ZBTB40: variants seen among roughly 807,000 people sequenced by gnomAD.
ZBTB40 encodes zinc finger and BTB domain-containing protein 40.
ZBTB40 carries 60 observed loss-of-function variants against 117.5 expected under a neutral mutation model. That is an observed-to-expected ratio of 0.51 (90% CI 0.41 to 0.63). The LOEUF is 0.63. Ranked by LOEUF, ZBTB40 falls within the 30% of genes least tolerant of loss-of-function variation. The probability of loss-of-function intolerance (pLI) is 0.00; values close to 1 mark genes in which losing one functional copy is unlikely to be tolerated. For missense variants in ZBTB40, 1,287 were observed against 1,498.5 expected, an observed-to-expected ratio of 0.86 and a Z score of 2.33; for synonymous variants, 525 against 577.1, an observed-to-expected ratio of 0.91 and a Z score of 1.29.
intron 9 of ZBTB40, 50 bp from the exon 10 acceptor site, chr1:22,511,129 A>G: frequency 1.3e-6 from 2 of 1,595,892 alleles, no homozygotes; most frequent in East Asian, 2.2e-5. Context: ...AACCATGGGG[A>G]AAATCTGCTG....
At chr1:22,494,477 T>A (rs1463616966) in intron 3 of ZBTB40, among the ~76,000 whole-genome samples, 2 of 152,222 alleles carry the variant, frequency 1.3e-5, no homozygotes, top group African/African-American at 4.8e-5. Flanking sequence ...TTCCATGGTG[T>A]CTGATTCTTA....
intron 1 of ZBTB40, among the ~76,000 whole-genome samples, chr1:22,484,692 G>C (rs1246543073): frequency 6.6e-6 from 1 of 152,158 alleles, no homozygotes; most frequent in Non-Finnish European, 1.5e-5. Context: ...AAGATCAGTG[G>C]TGAACTGGGA....
intron 11 of ZBTB40, 48 bp downstream of exon 11, chr1:22,512,182 A>G: frequency 1.9e-6 from 3 of 1,605,216 alleles, no homozygotes; most frequent in Non-Finnish European, 2.6e-6. Flanking sequence ...TGTGGGTTTT[A>G]TAGCTTGGAT....
upstream of ZBTB40, among the ~76,000 whole-genome samples, chr1:22,451,326 T>A (rs904453257): frequency 6.6e-6 from 1 of 152,216 alleles, no homozygotes; most frequent in African/African-American, 2.4e-5. Flanking sequence ...AACAAAATCC[T>A]AATCCTAGAG....
chr1:22,490,781 T>C lies in ZBTB40; in HGVS notation c.697+136T>C, dbSNP rs887211285. The C allele has an allele frequency of 7.3e-6, 7 of 963,222 alleles. No homozygotes were observed. In the Admixed American group the frequency reaches 1.5e-4, roughly 21 times the overall value. 59.7% of individuals were successfully genotyped at this position (963,222 alleles called of 1,614,324 possible). ...TCAGTGCAGTACCGTACTGGGCCAT[T>C]CTTTTAAAAGTGTCTGTGTTTTTGA... On this transcript the variant is annotated intron_variant, in intron 2 of 17. Transcript: ENST00000375647.
intron 1 of ZBTB40, among the ~76,000 whole-genome samples, chr1:22,457,754 G>A (rs193133067): frequency 1.3e-5 from 2 of 152,310 alleles, no homozygotes; most frequent in Non-Finnish European, 2.9e-5. Flanking sequence ...AAAGGTGAAC[G>A]GTAGGTGATT....
chr1:22,497,741 A>G (rs932472257), intron 3 of ZBTB40, among the ~76,000 whole-genome samples: 2 of 152,204 alleles, frequency 1.3e-5, no homozygotes, highest in Non-Finnish European at 2.9e-5. Context: ...TCTGGGAGGT[A>G]GAACTAGGTG....
chr1:22,466,111 GA>G (rs1472414080), intron 1 of ZBTB40, among the ~76,000 whole-genome samples: 2 of 152,152 alleles, frequency 1.3e-5, no homozygotes, highest in Non-Finnish European at 2.9e-5. Flanking sequence ...CATTTCATAT[GA>G]ATGGAATCAT....
chr1:22,526,025 G>A lies in ZBTB40; in HGVS notation c.3526-177G>A, dbSNP rs1213861290. Among the ~76,000 whole-genome samples, 3 of 152,140 alleles carry A rather than the reference G, an allele frequency of 2.0e-5. No individual in the cohort carries two copies. The East Asian group carries it at 5.8e-4, about 29-fold the overall frequency. ...GCACAGTTATTTAAATTGTTTGCTG[G>A]CCTTCTCTTTTGCATCGCCAGTGGG... is the stretch of plus-strand genomic sequence containing the variant. On this transcript the variant is annotated intron_variant, in intron 17 of 17. Transcript: ENST00000375647.
chr1:22,467,959 C>T (rs1641297881), intron 1 of ZBTB40, among the ~76,000 whole-genome samples: 1 of 151,764 alleles, frequency 6.6e-6, no homozygotes, highest in South Asian at 2.1e-4. Context: ...TGTAGTGGCT[C>T]ATGCCTGTAG....
chr1:22,447,586 C>T (rs1640804335), upstream of ZBTB40, among the ~76,000 whole-genome samples: 1 of 152,222 alleles, frequency 6.6e-6, no homozygotes, highest in Non-Finnish European at 1.5e-5. Flanking sequence ...TGAGCCATCT[C>T]AGTGGAAACT....
chr1:22,454,249 G>A (rs1276990759), intron 1 of ZBTB40, among the ~76,000 whole-genome samples: 1 of 152,146 alleles, frequency 6.6e-6, no homozygotes, highest in African/African-American at 2.4e-5. Flanking sequence ...CATCGCGCCC[G>A]GCCTCGAACA....
At chr1:22,493,143 A>G (rs1638678253) in intron 3 of ZBTB40, among the ~76,000 whole-genome samples, 1 of 152,170 alleles carries the variant, frequency 6.6e-6, no homozygotes, top group Non-Finnish European at 1.5e-5. Flanking sequence ...TTCGTTCAAC[A>G]TTTCTTTTTT....
At chr1:22,439,465 T>G (rs1000161790) in intron 1 of ZBTB40, among the ~76,000 whole-genome samples, 1 of 152,238 alleles carries the variant, frequency 6.6e-6, no homozygotes, top group African/African-American at 2.4e-5. Context: ...AAGAGTTTTA[T>G]AGTTTAGGTC....
chr1:22,523,088 C>T (rs911822582), intron 16 of ZBTB40, among the ~76,000 whole-genome samples: 43 of 151,536 alleles, frequency 2.8e-4, no homozygotes, highest in Non-Finnish European at 4.1e-4. Context: ...GCTGGGACTA[C>T]AGGCGCCCAC....
chr1:22,447,530 G>C (rs1640803727), upstream of ZBTB40, among the ~76,000 whole-genome samples: 1 of 152,162 alleles, frequency 6.6e-6, no homozygotes, highest in Admixed American at 6.5e-5. Context: ...GGCTTGGCTG[G>C]GAAATCATCA....
intron 1 of ZBTB40, among the ~76,000 whole-genome samples, chr1:22,457,218 C>G (rs1450061463): frequency 6.6e-6 from 1 of 152,086 alleles, no homozygotes; most frequent in African/African-American, 2.4e-5. Flanking sequence ...TGCATTTGTC[C>G]ACAGAGTCCC....
intron 13 of ZBTB40, 117 bp downstream of exon 13, chr1:22,517,581 T>C: frequency 7.9e-7 from 1 of 1,269,674 alleles, no homozygotes; most frequent in Non-Finnish European, 1.1e-6. Context: ...GCATTCCCCT[T>C]ACCTGTTCCG....
At chr1:22,525,682 G>A (rs866597217) in intron 17 of ZBTB40, among the ~76,000 whole-genome samples, 5 of 152,254 alleles carry the variant, frequency 3.3e-5, no homozygotes, top group South Asian at 2.1e-4. Flanking sequence ...GAATGAATGC[G>A]TGGAGTCACA....
Sources: gnomAD v4.1 joint callset for allele counts (sites outside exome capture counted in the v4.1 genomes callset) on GRCh38, gnomAD v4.1.1 for gene constraint, MANE v1.5 for transcripts, NCBI Gene and HGNC (gene_info 2026-07-23, HGNC 2026-07-21) for gene names.